SLC4A4: variants seen among roughly 807,000 people sequenced by gnomAD.
SLC4A4 encodes electrogenic sodium bicarbonate cotransporter 1.
SLC4A4 carries 27 observed loss-of-function variants against 111.5 expected under a neutral mutation model. The ratio of observed to expected loss-of-function variants is 0.24; its 90% confidence interval spans 0.18 to 0.33. The LOEUF (loss-of-function observed/expected upper bound fraction) is 0.33. Ranked by LOEUF, SLC4A4 falls within the 10% of genes least tolerant of loss-of-function variation. SLC4A4 has a pLI of 1.00. For missense variants in SLC4A4, 909 were observed against 1,315.5 expected, an observed-to-expected ratio of 0.69 and a Z score of 4.78; for synonymous variants, 443 against 463.4, an observed-to-expected ratio of 0.96 and a Z score of 0.57.
intron 2 of SLC4A4, among the ~76,000 whole-genome samples, chr4:71,122,217 G>A (rs557515974): frequency 6.6e-6 from 1 of 151,544 alleles, no homozygotes; most frequent in Admixed American, 6.6e-5. Flanking sequence ...GGAGGCTGAG[G>A]CAGGAGAATT....
intron 3 of SLC4A4, among the ~76,000 whole-genome samples, chr4:71,299,639 A>G (rs975756058): frequency 4.6e-5 from 7 of 152,218 alleles, no homozygotes; most frequent in Non-Finnish European, 1.0e-4. Flanking sequence ...GGGTTTCCAG[A>G]ACAAAGGCTT....
chr4:71,324,992 C>T (rs1412572618), intron 3 of SLC4A4, among the ~76,000 whole-genome samples: 3 of 151,808 alleles, frequency 2.0e-5, no homozygotes, highest in Admixed American at 2.0e-4. Context: ...GACAGCTTTT[C>T]TTGAGTGGGA....
chr4:71,450,967 T>C (rs1472934706), intron 10 of SLC4A4, among the ~76,000 whole-genome samples: 1 of 152,218 alleles, frequency 6.6e-6, no homozygotes, highest in Non-Finnish European at 1.5e-5. Context: ...GTTTCCCTCT[T>C]TTAAGACATA....
At chr4:71,459,122 G>C (rs1251628657) in intron 12 of SLC4A4, among the ~76,000 whole-genome samples, 4 of 151,996 alleles carry the variant, frequency 2.6e-5, no homozygotes, top group Admixed American at 2.6e-4. Context: ...ATTAAATCCT[G>C]TTTGATTGAG....
intron 24 of SLC4A4, among the ~76,000 whole-genome samples, chr4:71,565,381 C>T (rs1737377619): frequency 6.6e-6 from 1 of 151,700 alleles, no homozygotes; most frequent in Non-Finnish European, 1.5e-5. Flanking sequence ...TTCATGCTGG[C>T]TTGGGGCATA....
intron 3 of SLC4A4, among the ~76,000 whole-genome samples, chr4:71,268,180 T>C (rs1051011275): frequency 5.3e-5 from 8 of 151,836 alleles, no homozygotes; most frequent in African/African-American, 1.5e-4. Context: ...TATGATTTTG[T>C]CTATTTTCAT....
chr4:71,421,354 C>T (rs556280988), intron 7 of SLC4A4, among the ~76,000 whole-genome samples: 2 of 152,266 alleles, frequency 1.3e-5, no homozygotes, highest in South Asian at 4.1e-4. Context: ...GAGTGACCTA[C>T]AAAGAGACTG....
intron 3 of SLC4A4, among the ~76,000 whole-genome samples, chr4:71,256,964 T>G (rs1432173921): frequency 6.6e-6 from 1 of 152,144 alleles, no homozygotes; most frequent in Non-Finnish European, 1.5e-5. Context: ...TGTTAAAAAG[T>G]AAAGAGGTGC....
chr4:71,552,574 T>C (rs1241239090), intron 20 of SLC4A4, among the ~76,000 whole-genome samples: 1 of 151,920 alleles, frequency 6.6e-6, no homozygotes, highest in East Asian at 1.9e-4. Context: ...TTCACCAGAA[T>C]TTGAAAAATT....
At chr4:71,427,799 A>T (rs1028390182) in intron 7 of SLC4A4, among the ~76,000 whole-genome samples, 3 of 152,166 alleles carry the variant, frequency 2.0e-5, no homozygotes, top group African/African-American at 7.2e-5. Flanking sequence ...ATAGGCTTAC[A>T]ACCATCCACA....
At chr4:71,139,973 C>A (rs1743951784) in intron 2 of SLC4A4, among the ~76,000 whole-genome samples, 1 of 152,110 alleles carries the variant, frequency 6.6e-6, no homozygotes, top group South Asian at 2.1e-4. Context: ...TATTTGTACC[C>A]ATTATACTAT....
chr4:71,481,289 G>C (rs1171327635), intron 14 of SLC4A4, among the ~76,000 whole-genome samples: 1 of 151,716 alleles, frequency 6.6e-6, no homozygotes, highest in Admixed American at 6.6e-5. Context: ...GTGACCAGTT[G>C]TTGCTTACAC....
intron 25 of SLC4A4, 35 bp downstream of exon 25, chr4:71,567,118 G>A (rs1012994109): frequency 6.6e-7 from 1 of 1,508,550 alleles, no homozygotes; most frequent in Non-Finnish European, 9.2e-7. Flanking sequence ...GTTTTTCTGT[G>A]GGATAATTGC....
intron 1 of SLC4A4, among the ~76,000 whole-genome samples, chr4:71,210,460 G>A (rs138134555): frequency 9.2e-5 from 14 of 152,226 alleles, no homozygotes; most frequent in Middle Eastern, 3.4e-3. Context: ...AGAAACTTTA[G>A]TTTGTGGGCA....
At chr4:71,134,785 G>A (rs1167521076) in intron 2 of SLC4A4, among the ~76,000 whole-genome samples, 1 of 152,194 alleles carries the variant, frequency 6.6e-6, no homozygotes. Flanking sequence ...CACAGGCTGA[G>A]TCTGTTACTG....
At chr4:71,282,669 A>G (rs949163559) in intron 3 of SLC4A4, among the ~76,000 whole-genome samples, 3 of 148,958 alleles carry the variant, frequency 2.0e-5, no homozygotes, top group African/African-American at 7.5e-5. Context: ...TGTAGCTTCA[A>G]CCTCCTGTGC....
intron 6 of SLC4A4, among the ~76,000 whole-genome samples, chr4:71,389,975 C>T (rs539032422): frequency 3.8e-4 from 58 of 152,244 alleles, no homozygotes; most frequent in Non-Finnish European, 7.4e-4. Context: ...GAAATTCCTC[C>T]AAAGGGCACC....
At chr4:71,283,020 T>C (rs868253540) in intron 3 of SLC4A4, among the ~76,000 whole-genome samples, 3 of 152,216 alleles carry the variant, frequency 2.0e-5, no homozygotes, top group Non-Finnish European at 4.4e-5. Flanking sequence ...ACTTGGTTAG[T>C]AAATTTGATG....
At chr4:71,451,827 G>T (rs1725789433) in intron 11 of SLC4A4, among the ~76,000 whole-genome samples, 1 of 152,120 alleles carries the variant, frequency 6.6e-6, no homozygotes, top group South Asian at 2.1e-4. Flanking sequence ...ACTGACAGAT[G>T]TACCAGCCTT....
Sources: allele counts gnomAD v4.1 joint callset (sites outside exome capture counted in the v4.1 genomes callset), GRCh38; gene constraint gnomAD v4.1.1; transcripts MANE v1.5; gene names NCBI Gene and HGNC (gene_info 2026-07-23, HGNC 2026-07-21).